Variants in SGIP1 observed in about 807,000 individuals in gnomAD.
The protein encoded by SGIP1 is SH3-containing GRB2-like protein 3-interacting protein 1.
SGIP1 carries 38 observed loss-of-function variants against 107.5 expected under a neutral mutation model. The ratio of observed to expected loss-of-function variants is 0.35; its 90% confidence interval spans 0.27 to 0.46. The LOEUF is 0.46. Ranked by LOEUF, SGIP1 falls within the 20% of genes least tolerant of loss-of-function variation. SGIP1 has a pLI of 1.00. For synonymous variants in SGIP1, 365 were observed against 366.1 expected (o/e 1.00, Z 0.03); for missense variants, 929 against 1,019.5 (o/e 0.91, Z 1.21).
chr1:66,663,013 G>C (rs1031144021), intron 8 of SGIP1, among the ~76,000 whole-genome samples: 1 of 152,066 alleles, frequency 6.6e-6, no homozygotes, highest in Non-Finnish European at 1.5e-5. Flanking sequence ...TGTTTTGTTT[G>C]GTTGTGCAGT....
At chr1:66,675,873 A>G (rs1196009068) in intron 12 of SGIP1, among the ~76,000 whole-genome samples, 1 of 152,020 alleles carries the variant, frequency 6.6e-6, no homozygotes, top group African/African-American at 2.4e-5. Flanking sequence ...TGGTCTGGGG[A>G]AAAAATATGT....
At chr1:66,734,162 G>A (rs544115808) in intron 21 of SGIP1, among the ~76,000 whole-genome samples, 1 of 152,158 alleles carries the variant, frequency 6.6e-6, no homozygotes, top group South Asian at 2.1e-4. Flanking sequence ...TACTAATTAA[G>A]ATTATAAGTT....
intron 7 of SGIP1, among the ~76,000 whole-genome samples, chr1:66,650,745 A>G (rs1355335633): frequency 1.3e-5 from 2 of 152,114 alleles, no homozygotes; most frequent in African/African-American, 2.4e-5. Context: ...GACAAATGCT[A>G]TGGTTTAATC....
At chr1:66,569,328 T>C (rs2060074126) in intron 1 of SGIP1, among the ~76,000 whole-genome samples, 1 of 151,932 alleles carries the variant, frequency 6.6e-6, no homozygotes, top group Non-Finnish European at 1.5e-5. Flanking sequence ...GCTGTGAGTT[T>C]CTCCCCATTA....
At chr1:66,535,364 G>A (rs1307932116) in intron 1 of SGIP1, among the ~76,000 whole-genome samples, 2 of 152,320 alleles carry the variant, frequency 1.3e-5, no homozygotes, top group East Asian at 3.9e-4. Flanking sequence ...AGTGCATAAT[G>A]GGTCTCAAAT....
intron 7 of SGIP1, among the ~76,000 whole-genome samples, chr1:66,656,678 C>A (rs2079860369): frequency 6.6e-6 from 1 of 152,138 alleles, no homozygotes; most frequent in South Asian, 2.1e-4. Flanking sequence ...CAGATGTAAA[C>A]CCATTGGAGC....
At chr1:66,536,181 G>A (rs902458430) in intron 1 of SGIP1, among the ~76,000 whole-genome samples, 2 of 152,202 alleles carry the variant, frequency 1.3e-5, no homozygotes, top group Admixed American at 6.5e-5. Context: ...AGCTGAATTA[G>A]CACTATTGCT....
At chr1:66,598,799 C>G (rs1013813040) in intron 1 of SGIP1, among the ~76,000 whole-genome samples, 1 of 152,174 alleles carries the variant, frequency 6.6e-6, no homozygotes, top group African/African-American at 2.4e-5. Context: ...CAATCACCTC[C>G]CACCAGGCTC....
At chr1:66,667,183 C>G (rs190992469) in intron 8 of SGIP1, among the ~76,000 whole-genome samples, 1 of 152,026 alleles carries the variant, frequency 6.6e-6, no homozygotes, top group African/African-American at 2.4e-5. Context: ...CTAAGTACCC[C>G]CCCCCAAACT....
At chr1:66,598,699 A>G (rs2065184959) in intron 1 of SGIP1, among the ~76,000 whole-genome samples, 1 of 152,170 alleles carries the variant, frequency 6.6e-6, no homozygotes, top group Non-Finnish European at 1.5e-5. Context: ...CACACTTTTG[A>G]ACAACCAGAT....
rs201491139 is a variant in SGIP1, at chr1:66,690,191, C to G, written c.1445C>G (p.Ser482Cys). Residue 482 changes from serine (S) to cysteine (C), a missense_variant and splice_region_variant, in exon 17 of 25, where the codon TCC becomes TGC. Transcript: ENST00000371037. ...TCATCTCTTTTCTTCTCCTTACAGT[C>G]CAGACCTTTTAGCCCTCCCATTCAT... ...PPGKPGVGDV[S>C]RPFSPPIHSS... 257 of 1,614,058 alleles carry G rather than the reference C, an allele frequency of 1.6e-4. No homozygotes were observed. In the East Asian group the frequency reaches 4.9e-3, roughly 31 times the overall value.
intron 1 of SGIP1, among the ~76,000 whole-genome samples, chr1:66,592,897 C>CTTTTTTTT (rs35762612): frequency 9.6e-4 from 54 of 56,354 alleles, no homozygotes; most frequent in African/African-American, 1.5e-3. Context: ...TCTTCTTCTT[C>CTTTTTTTT]TTTTTTTTTT....
chr1:66,677,128 T>C (rs2085565330), intron 13 of SGIP1, 32 bp downstream of exon 13: 1 of 1,556,522 alleles, frequency 6.4e-7, no homozygotes, highest in Non-Finnish European at 8.8e-7. Context: ...TCTGGAAAAA[T>C]AAGTGACTCA....
chr1:66,593,897 T>C (rs2064121643), intron 1 of SGIP1, among the ~76,000 whole-genome samples: 1 of 152,236 alleles, frequency 6.6e-6, no homozygotes, highest in South Asian at 2.1e-4. Context: ...ATTAAGAGAT[T>C]CCAACATACT....
chr1:66,742,456 C>CTTTTTTT (rs1557832284), intron 24 of SGIP1, among the ~76,000 whole-genome samples: 1 of 64,136 alleles, frequency 1.6e-5, no homozygotes, highest in Non-Finnish European at 3.7e-5. Flanking sequence ...TATGAGCACC[C>CTTTTTTT]TTTCTTTTTT....
intron 9 of SGIP1, among the ~76,000 whole-genome samples, chr1:66,669,817 T>C (rs1306589716): frequency 1.3e-5 from 2 of 152,118 alleles, no homozygotes; most frequent in Non-Finnish European, 2.9e-5. Context: ...ACTGCTCCCG[T>C]AGCATAAATG....
chr1:66,693,399 G>A (rs2090285536), intron 17 of SGIP1, among the ~76,000 whole-genome samples: 1 of 152,012 alleles, frequency 6.6e-6, no homozygotes, highest in Admixed American at 6.5e-5. Flanking sequence ...GTTATTCTAA[G>A]AAACAAGCAC....
chr1:66,587,909 G>T (rs1444640555), intron 1 of SGIP1, among the ~76,000 whole-genome samples: 1 of 152,052 alleles, frequency 6.6e-6, no homozygotes, highest in Admixed American at 6.6e-5. Context: ...CTCAATAAAA[G>T]CATCTACTTC....
chr1:66,719,911 C>T (rs1371720839), intron 19 of SGIP1, among the ~76,000 whole-genome samples: 1 of 151,826 alleles, frequency 6.6e-6, no homozygotes, highest in African/African-American at 2.4e-5. Context: ...GTGACCCCTA[C>T]TAAATAAGGA....
Sources: gnomAD v4.1 joint callset for allele counts (sites outside exome capture counted in the v4.1 genomes callset) on GRCh38, gnomAD v4.1.1 for gene constraint, MANE v1.5 for transcripts, NCBI Gene and HGNC (gene_info 2026-07-23, HGNC 2026-07-21) for gene names.